The following SEMA3A variants were observed in gnomAD, a reference collection of about 807,000 sequenced individuals.
The protein encoded by SEMA3A is semaphorin 3A, also known as semaphorin-3A.
In SEMA3A, 29 loss-of-function variants were observed where a neutral mutation model predicts 97.9. That is an observed-to-expected ratio of 0.30 (90% CI 0.22 to 0.40). The LOEUF is 0.40. Ranked by LOEUF, SEMA3A falls within the 10% of genes least tolerant of loss-of-function variation. SEMA3A has a pLI of 1.00. For missense variants in SEMA3A, 763 were observed against 951.3 expected, an observed-to-expected ratio of 0.80 and a Z score of 2.60; for synonymous variants, 321 against 323.7, an observed-to-expected ratio of 0.99 and a Z score of 0.09.
chr7:84,221,093 T>C (rs1174318477), intron 3 of SEMA3A, among the ~76,000 whole-genome samples: 1 of 152,154 alleles, frequency 6.6e-6, no homozygotes, highest in Non-Finnish European at 1.5e-5. Context: ...GAACAACTTG[T>C]TGCAACTTCT....
At position 84,438,324 on chromosome 7, in the gene SEMA3A, G is replaced by T. The variant is rs533243624; in HGVS notation, c.-246+54136C>A. Among the ~76,000 whole-genome samples the T allele has an allele frequency of 2.4e-4, 36 of 152,172 alleles. No homozygotes were observed. In the South Asian group the frequency reaches 7.5e-3, roughly 32 times the overall value. Reference sequence around the variant, plus strand: ...TATAAAATAAAAATAGCCAGAGGAAGATGGCCCTATGACATTTTGTATTAG... The same window carrying T: ...TATAAAATAAAAATAGCCAGAGGAATATGGCCCTATGACATTTTGTATTAG... On this transcript the variant is annotated intron_variant, in intron 1 of 3. Transcript: ENST00000424555.
chr7:84,407,187 A>T (rs934075903), intron 1 of SEMA3A, among the ~76,000 whole-genome samples: 5 of 152,174 alleles, frequency 3.3e-5, no homozygotes, highest in Non-Finnish European at 5.9e-5. Context: ...TAAGCTGATA[A>T]GCAACTTCAG....
chr7:84,099,060 A>AT (rs1292131325), intron 4 of SEMA3A, among the ~76,000 whole-genome samples: 3 of 108,356 alleles, frequency 2.8e-5, no homozygotes, highest in African/African-American at 9.0e-5. Context: ...CAGGAATTAC[A>AT]TTTTCTTTTT....
rs573828380 is a variant in SEMA3A at position 84,406,841 on chromosome 7, A to T, written c.-245-34941T>A. Among the ~76,000 whole-genome samples, 426 of 152,346 alleles carry T rather than the reference A, an allele frequency of 2.8e-3. 3 individuals carry two copies. Among genetic ancestry groups the T allele is most frequent in the Middle Eastern group, 6.8e-3 (2 of 294 alleles). ...ATAGATGCAGAAAAGGCCTTTGACAAAATTCAACAATACTTCGTGATAAAA... is the reference window on the plus strand; with the variant it reads ...ATAGATGCAGAAAAGGCCTTTGACATAATTCAACAATACTTCGTGATAAAA... On this transcript the variant is annotated intron_variant, in intron 1 of 3. Transcript: ENST00000424555.
intron 2 of SEMA3A, among the ~76,000 whole-genome samples, chr7:84,330,979 G>T (rs188671229): frequency 1.1e-4 from 17 of 152,212 alleles, no homozygotes; most frequent in Admixed American, 9.2e-4. Context: ...AGAAAGGAAA[G>T]AATCATACAC....
At chr7:84,023,799 A>G (rs1791424569) in intron 6 of SEMA3A, among the ~76,000 whole-genome samples, 2 of 151,946 alleles carry the variant, frequency 1.3e-5, no homozygotes, top group African/African-American at 4.8e-5. Flanking sequence ...TCACGAGGTC[A>G]GGAGATCGAG....
At chr7:84,456,580 TTAA>T (rs1805691653) in intron 1 of SEMA3A, among the ~76,000 whole-genome samples, 1 of 151,862 alleles carries the variant, frequency 6.6e-6, no homozygotes. Context: ...TATTTATTGT[TTAA>T]TAATCATTAA....
rs1204792143 is a variant in SEMA3A at position 84,335,417 on chromosome 7, G to T, written c.-168-28125C>A. Among the ~76,000 whole-genome samples, 7 of 152,176 alleles carry T rather than the reference G, an allele frequency of 4.6e-5. No homozygotes were observed. The East Asian group carries it at 1.4e-3, about 29-fold the overall frequency. On this transcript the variant is annotated intron_variant, in intron 2 of 3. Coordinates refer to the SEMA3A transcript ENST00000424555. ...ATTAGCAAATATAGGTTATAGTTGTGGAAGATAATAATTTATTAGTCCAAC... is the reference window on the plus strand; with the variant it reads ...ATTAGCAAATATAGGTTATAGTTGTTGAAGATAATAATTTATTAGTCCAAC...
intron 4 of SEMA3A, among the ~76,000 whole-genome samples, chr7:84,099,062 T>G (rs1794863961): frequency 9.9e-6 from 1 of 101,134 alleles, no homozygotes; most frequent in Non-Finnish European, 2.2e-5. Context: ...GGAATTACAT[T>G]TTCTTTTTTT....
chr7:84,428,162 C>T (rs1304603019), intron 1 of SEMA3A, among the ~76,000 whole-genome samples: 3 of 152,072 alleles, frequency 2.0e-5, no homozygotes, highest in East Asian at 1.9e-4. Flanking sequence ...GATTCAATAA[C>T]GCTTTCCTAT....
At chr7:84,461,008 T>A (rs923807428) in intron 1 of SEMA3A, among the ~76,000 whole-genome samples, 1 of 152,214 alleles carries the variant, frequency 6.6e-6, no homozygotes, top group Non-Finnish European at 1.5e-5. Flanking sequence ...CAGGGTTATT[T>A]ATTCCAATAC....
At chr7:84,221,615 G>C (rs746205811) in intron 3 of SEMA3A, among the ~76,000 whole-genome samples, 24 of 151,960 alleles carry the variant, frequency 1.6e-4, no homozygotes, top group Non-Finnish European at 3.1e-4. Flanking sequence ...TGAAATTATT[G>C]TTCTAAAACA....
At chr7:84,287,037 A>C (rs184879206) in intron 3 of SEMA3A, among the ~76,000 whole-genome samples, 2 of 152,260 alleles carry the variant, frequency 1.3e-5, no homozygotes, top group African/African-American at 4.8e-5. Flanking sequence ...TTGACTCACT[A>C]TGCTTCATAT....
At chr7:84,249,165 A>T (rs572235278) in intron 3 of SEMA3A, among the ~76,000 whole-genome samples, 1 of 152,212 alleles carries the variant, frequency 6.6e-6, no homozygotes, top group South Asian at 2.1e-4. Flanking sequence ...GTATCTGGAG[A>T]TTGCCCAGAA....
chr7:84,123,531 A>G (rs1172698804), intron 3 of SEMA3A, among the ~76,000 whole-genome samples: 2 of 151,692 alleles, frequency 1.3e-5, no homozygotes, highest in East Asian at 3.9e-4. Flanking sequence ...TATATCCTGT[A>G]CATTCAGTTC....
intron 1 of SEMA3A, among the ~76,000 whole-genome samples, chr7:84,426,013 T>G (rs1228890): frequency 0.46 from 68,879 of 150,660 alleles, 17,341 homozygotes; most frequent in East Asian, 0.78. Flanking sequence ...TCATTTATAT[T>G]TGGCAGCTAA....
intron 2 of SEMA3A, among the ~76,000 whole-genome samples, chr7:84,312,921 TACACACAC>T (rs1323561552): frequency 6.1e-5 from 2 of 32,876 alleles, no homozygotes; most frequent in Non-Finnish European, 1.2e-4. Context: ...TATATATATA[TACACACAC>T]ACACACACAC....
chr7:83,992,552 A>G (rs542781246), intron 12 of SEMA3A, among the ~76,000 whole-genome samples: 75 of 152,098 alleles, frequency 4.9e-4, no homozygotes, highest in African/African-American at 1.8e-3. Context: ...GAACATCTTT[A>G]TGTCTGCCTT....
chr7:83,973,949 C>G (rs1789025326), intron 15 of SEMA3A, among the ~76,000 whole-genome samples: 1 of 150,394 alleles, frequency 6.6e-6, no homozygotes, highest in South Asian at 2.1e-4. Context: ...TAATATGGCC[C>G]ATTCTTAGTG....
Sources: allele counts gnomAD v4.1 joint callset (sites outside exome capture counted in the v4.1 genomes callset), GRCh38; gene constraint gnomAD v4.1.1; transcripts MANE v1.5; gene names NCBI Gene and HGNC (gene_info 2026-07-23, HGNC 2026-07-21).